Variants in RICTOR observed in about 807,000 individuals in gnomAD.
RICTOR encodes rapamycin-insensitive companion of mTOR.
Under a neutral mutation model 214.9 loss-of-function variants are expected in RICTOR, and 49 were observed. The ratio of observed to expected loss-of-function variants is 0.23; its 90% CI spans 0.18 to 0.29. RICTOR has a LOEUF of 0.29. Ranked by LOEUF, RICTOR falls within the 10% of genes least tolerant of loss-of-function variation. The probability of loss-of-function intolerance (pLI) is 1.00; values close to 1 mark genes in which losing one functional copy is unlikely to be tolerated. For missense variants in RICTOR, 1,625 were observed against 2,047.0 expected (o/e 0.79, Z 3.98); for synonymous variants, 717 against 711.3 (o/e 1.01, Z -0.13).
chr5:38,948,506 C>T (rs946887509), intron 31 of RICTOR, among the ~76,000 whole-genome samples: 76 of 152,026 alleles, frequency 5.0e-4, no homozygotes, highest in African/African-American at 1.8e-3. Context: ...CCCTTTCTAT[C>T]TATTCTACCT....
intron 31 of RICTOR, chr5:38,949,325 G>T: frequency 7.3e-7 from 1 of 1,369,292 alleles, no homozygotes; most frequent in Non-Finnish European, 9.9e-7. Flanking sequence ...ATAATAAAGA[G>T]GTCAACTTTT....
chr5:38,944,797 G>T, intron 35 of RICTOR, 116 bp downstream of exon 35: 2 of 1,043,820 alleles, frequency 1.9e-6, no homozygotes, highest in Non-Finnish European at 2.9e-6. Flanking sequence ...TCACTAAAAT[G>T]GACGTATTAC....
intron 34 of RICTOR, 124 bp from the exon 35 acceptor site, chr5:38,945,192 C>A: frequency 1.3e-6 from 1 of 748,916 alleles, no homozygotes; most frequent in Non-Finnish European, 2.1e-6. Flanking sequence ...ATATACCAAA[C>A]ACTTCCAAAA....
chr5:39,047,274 T>A (rs1757557812), intron 2 of RICTOR, among the ~76,000 whole-genome samples: 1 of 152,128 alleles, frequency 6.6e-6, no homozygotes, highest in Admixed American at 6.5e-5. Flanking sequence ...TCAGATGAAA[T>A]TGTTCCACCT....
chr5:38,957,882 A>G, intron 24 of RICTOR, 152 bp from the exon 25 acceptor site: 1 of 514,250 alleles, frequency 1.9e-6, no homozygotes, highest in Non-Finnish European at 3.4e-6. Context: ...ATAATTTATT[A>G]TAACTTCAAT....
At position 39,002,546 on chromosome 5, in the gene RICTOR, A is replaced by G; in HGVS notation, c.381T>C (p.Tyr127=). Residue 127 remains tyrosine, a synonymous_variant, in exon 5 of 38, where the codon TAT becomes TAC. Coordinates refer to ENST00000357387, the MANE Select transcript of RICTOR (RefSeq NM_152756.5). ...TCTAGGAAATTTACCTAGCTATTAA[A>G]TAGTCCACTTTCAATTTTAGCACCT... is the stretch of plus-strand genomic sequence containing the variant. ...LQKVLKLKVD[Y]LIARCIDIQQ... 6.2e-7 allele frequency: 1 copy of G among 1,605,664 alleles called. No homozygotes were observed. Among genetic ancestry groups the G allele is most frequent in the Non-Finnish European group, 8.5e-7 (1 of 1,175,988 alleles).
At chr5:38,948,971 T>C (rs1245365143) in intron 31 of RICTOR, among the ~76,000 whole-genome samples, 1 of 152,086 alleles carries the variant, frequency 6.6e-6, no homozygotes, top group Non-Finnish European at 1.5e-5. Flanking sequence ...TAAAGTATTC[T>C]AACATATATT....
chr5:38,947,166 T>C, intron 32 of RICTOR, 98 bp downstream of exon 32: 1 of 831,450 alleles, frequency 1.2e-6, no homozygotes, highest in Non-Finnish European at 1.9e-6. Context: ...TGCCCCAAAC[T>C]GGTGCCCACC....
intron 2 of RICTOR, among the ~76,000 whole-genome samples, chr5:39,030,215 T>C (rs139570182): frequency 6.6e-6 from 1 of 152,282 alleles, no homozygotes; most frequent in East Asian, 1.9e-4. Flanking sequence ...TACTTTTTGA[T>C]ACATAATTCT....
At chr5:38,995,525 T>C (rs1369228041) in intron 6 of RICTOR, among the ~76,000 whole-genome samples, 1 of 152,010 alleles carries the variant, frequency 6.6e-6, no homozygotes, top group Non-Finnish European at 1.5e-5. Context: ...AACTTATCCA[T>C]GTAACCAAAA....
At chr5:38,946,618 A>G (rs994129404) in intron 32 of RICTOR, 66 bp from the exon 33 acceptor site, 5 of 904,680 alleles carry the variant, frequency 5.5e-6, no homozygotes, top group Admixed American at 3.7e-5. Context: ...GAAAATTAGC[A>G]AAATTAAACA....
intron 5 of RICTOR, among the ~76,000 whole-genome samples, chr5:39,000,820 A>T (rs562904945): frequency 6.6e-6 from 1 of 152,006 alleles, no homozygotes. Flanking sequence ...TCTCCCCCCA[A>T]TTTTTTTATA....
intron 7 of RICTOR, among the ~76,000 whole-genome samples, chr5:38,989,412 C>G (rs1752423317): frequency 6.6e-6 from 1 of 152,052 alleles, no homozygotes; most frequent in Non-Finnish European, 1.5e-5. Flanking sequence ...AGAAGAAAAC[C>G]TAGGCAATAT....
intron 2 of RICTOR, among the ~76,000 whole-genome samples, chr5:39,047,596 TG>T (rs1185357342): frequency 6.6e-5 from 10 of 152,238 alleles, no homozygotes; most frequent in Non-Finnish European, 1.2e-4. Context: ...ATTAGTGTTT[TG>T]TACAACATTA....
chr5:38,994,002 G>A (rs1752974157), intron 6 of RICTOR, among the ~76,000 whole-genome samples: 2 of 152,106 alleles, frequency 1.3e-5, no homozygotes, highest in Non-Finnish European at 2.9e-5. Context: ...TTAACACGGT[G>A]AAACCGCGTC....
intron 2 of RICTOR, among the ~76,000 whole-genome samples, chr5:39,037,599 G>A (rs1756820689): frequency 6.6e-6 from 1 of 151,232 alleles, no homozygotes; most frequent in Admixed American, 6.6e-5. Flanking sequence ...AAAGAGAGAA[G>A]AATCAAATAG....
At chr5:39,055,012 G>T (rs1325024032) in intron 2 of RICTOR, among the ~76,000 whole-genome samples, 5 of 152,170 alleles carry the variant, frequency 3.3e-5, no homozygotes, top group African/African-American at 1.2e-4. Context: ...TAACATGAAT[G>T]AAAGAATTCA....
At chr5:39,019,508 C>G (rs532262079) in intron 3 of RICTOR, among the ~76,000 whole-genome samples, 1 of 152,094 alleles carries the variant, frequency 6.6e-6, no homozygotes, top group Non-Finnish European at 1.5e-5. Context: ...CTGTGCTTTA[C>G]AAATGGAACA....
At chr5:38,968,535 G>T (rs1234703602) in intron 11 of RICTOR, among the ~76,000 whole-genome samples, 1 of 150,790 alleles carries the variant, frequency 6.6e-6, no homozygotes, top group Non-Finnish European at 1.5e-5. Flanking sequence ...CTTGAGGCCA[G>T]AATTTTGAGA....
Sources: gnomAD v4.1 joint callset for allele counts (sites outside exome capture counted in the v4.1 genomes callset) on GRCh38, gnomAD v4.1.1 for gene constraint, MANE v1.5 for transcripts, NCBI Gene and HGNC (gene_info 2026-07-23, HGNC 2026-07-21) for gene names.